Variants in ABCD2 observed in about 807,000 individuals in gnomAD.
ABCD2 encodes the protein ATP binding cassette subfamily D member 2.
In ABCD2, 36 loss-of-function variants were observed where a neutral mutation model predicts 70.9. That is an observed-to-expected ratio of 0.51 (90% confidence interval 0.39 to 0.67). ABCD2 has a LOEUF of 0.67. Among genes scored for constraint, ABCD2 ranks in the 30% least tolerant of loss-of-function variants. The pLI, the probability that ABCD2 is intolerant of heterozygous loss-of-function variation, is 0.00. For synonymous variants in ABCD2, 304 were observed against 306.9 expected (o/e 0.99, Z 0.10); for missense variants, 729 against 890.2 (o/e 0.82, Z 2.30).
chr12:39,555,322 T>C (rs926311850), intron 9 of ABCD2, among the ~76,000 whole-genome samples: 6 of 152,178 alleles, frequency 3.9e-5, no homozygotes, highest in Non-Finnish European at 8.8e-5. Flanking sequence ...TTCTTTTACT[T>C]ATACAAATGA....
chr12:39,611,814 T>A (rs181938396), intron 2 of ABCD2, among the ~76,000 whole-genome samples: 12 of 151,166 alleles, frequency 7.9e-5, no homozygotes, highest in African/African-American at 2.9e-4. Flanking sequence ...TGTATGTGTA[T>A]GTGTGTGTGT....
chr12:39,572,335 C>G (rs189415365), intron 9 of ABCD2, among the ~76,000 whole-genome samples: 85 of 152,232 alleles, frequency 5.6e-4, no homozygotes, highest in African/African-American at 2.0e-3. Context: ...GAGTACTGGC[C>G]TAGCTCTGTG....
chr12:39,557,806 G>C (rs1377562176), intron 9 of ABCD2, among the ~76,000 whole-genome samples: 2 of 152,204 alleles, frequency 1.3e-5, no homozygotes, highest in Non-Finnish European at 2.9e-5. Flanking sequence ...AAGAAATGAG[G>C]TTTGGAAAGC....
Position 39,618,738 on chromosome 12 carries a change from C to T in ABCD2, c.878G>A (p.Arg293Gln), listed in dbSNP as rs753975268. ...GGCTATAATTCTCGAGTGCACATAC[C>T]GCAAATAGCCTTTTCTATGTGCTTC... ...AEEAHRKGYL[R>Q]YVHSRIIANV... is the part of the protein sequence containing the mutation. The change falls in exon 1 of 10, where the codon CGG (arginine) becomes CAG (glutamine). Residue 293 changes from arginine (R) to glutamine (Q), a missense_variant. Arg to Gln is a conservative substitution (Grantham distance 43, BLOSUM62 1). Transcript: ENST00000308666. 13 of 1,614,054 alleles carry T rather than the reference C, an allele frequency of 8.1e-6. No individual in the cohort carries two copies. The highest frequency in any genetic ancestry group is 1.1e-5 in the South Asian group (1 of 91,084).
intron 6 of ABCD2, among the ~76,000 whole-genome samples, chr12:39,600,326 TC>T (rs1470423662): frequency 6.6e-5 from 10 of 152,184 alleles, no homozygotes; most frequent in African/African-American, 2.4e-4. Context: ...GAGACTAACA[TC>T]TGCAGTCTTT....
chr12:39,562,079 T>C (rs758893135), intron 9 of ABCD2, among the ~76,000 whole-genome samples: 1 of 150,766 alleles, frequency 6.6e-6, no homozygotes, highest in Non-Finnish European at 1.5e-5. Context: ...AACAACATGA[T>C]ATTGGTTAAC....
At chr12:39,608,162 C>T (rs1365153618) in intron 2 of ABCD2, among the ~76,000 whole-genome samples, 1 of 149,662 alleles carries the variant, frequency 6.7e-6, no homozygotes, top group Non-Finnish European at 1.5e-5. Flanking sequence ...AGTGAGACCT[C>T]TTCTCAAAAG....
chr12:39,586,340 G>A (rs1941666716), intron 6 of ABCD2, 43 bp from the exon 7 acceptor site: 3 of 1,583,830 alleles, frequency 1.9e-6, no homozygotes, highest in Middle Eastern at 1.7e-4. Context: ...GGAAAGTCAT[G>A]ATAACTTACT....
the ABCD2 span, among the ~76,000 whole-genome samples, chr12:39,534,729 AAAGAAG>A: frequency 8.2e-6 from 1 of 122,448 alleles, no homozygotes; most frequent in African/African-American, 3.4e-5. Flanking sequence ...GAAGGAAGGA[AAAGAAG>A]GAAGGAAGGA....
In ABCD2 at chr12:39,550,293, TTAATC is replaced by T. The variant is rs1284874345; in HGVS notation, c.*3614_*3618del. 1.3e-5 allele frequency: 2 copies of T among 151,744 alleles called. No individual in the cohort carries two copies. 9.4% of individuals were successfully genotyped at this position (151,744 alleles called of 1,614,324 possible). ...ATGGAATAATTTGTAATTCCTTTGA[TTAATC>T]TAGTCTTTTTCTTAATGGTTAAGGA... On this transcript the variant is annotated 3_prime_UTR_variant, in exon 10 of 10. Transcript: ENST00000308666.
chr12:39,583,197 A>G (rs905494571), intron 7 of ABCD2, among the ~76,000 whole-genome samples: 5 of 152,184 alleles, frequency 3.3e-5, no homozygotes, highest in African/African-American at 1.2e-4. Flanking sequence ...CCACTGTGCT[A>G]ATGTTTTACA....
chr12:39,570,368 G>A (rs1195130714), intron 9 of ABCD2, among the ~76,000 whole-genome samples: 1 of 152,164 alleles, frequency 6.6e-6, no homozygotes, highest in Non-Finnish European at 1.5e-5. Flanking sequence ...AAACAGCATT[G>A]TACTGACACA....
chr12:39,590,041 A>C (rs1941724463), intron 6 of ABCD2, among the ~76,000 whole-genome samples: 2 of 152,186 alleles, frequency 1.3e-5, no homozygotes, highest in Admixed American at 1.3e-4. Context: ...ACATTTACTC[A>C]ATTTGAAAGC....
At chr12:39,571,273 T>A (rs1187441104) in intron 9 of ABCD2, among the ~76,000 whole-genome samples, 1 of 152,182 alleles carries the variant, frequency 6.6e-6, no homozygotes, top group Non-Finnish European at 1.5e-5. Context: ...TGCACTCCCA[T>A]GTTTATTTCA....
At chr12:39,616,281 A>G (rs1244430149) in intron 2 of ABCD2, among the ~76,000 whole-genome samples, 1 of 152,160 alleles carries the variant, frequency 6.6e-6, no homozygotes, top group African/African-American at 2.4e-5. Context: ...GGATGATACA[A>G]CATTTTAACA....
chr12:39,548,588 C>T (rs933728266), downstream of ABCD2, among the ~76,000 whole-genome samples: 1 of 151,860 alleles, frequency 6.6e-6, no homozygotes, highest in Non-Finnish European at 1.5e-5. Flanking sequence ...GATTATAAGA[C>T]CTCTTTTGCA....
chr12:39,605,049 A>G (rs1941951555), intron 3 of ABCD2, 119 bp from the exon 4 acceptor site: 2 of 706,396 alleles, frequency 2.8e-6, no homozygotes, highest in Non-Finnish European at 2.1e-6. Context: ...ATTATACATG[A>G]GATATATATA....
rs1941073516 is a variant in ABCD2, at chr12:39,550,562, T to G, written c.*3350A>C. 6.6e-6 allele frequency: 1 copy of G among 151,700 alleles called. No individual in the cohort carries two copies. Among genetic ancestry groups the G allele is most frequent in the African/African-American group, 2.4e-5 (1 of 41,418 alleles). The allele number at this position is 151,700 out of a possible 1,614,324, so 9.4% of individuals were successfully genotyped here. ...TGGTAGTCAGGAAAAGCATCAACAA[T>G]GAAGAAGAAATTGGTTTTTAAAAAA... On this transcript the variant is annotated 3_prime_UTR_variant, in exon 10 of 10. Transcript: ENST00000308666.
downstream of ABCD2, among the ~76,000 whole-genome samples, chr12:39,548,037 C>G (rs935599909): frequency 6.6e-6 from 1 of 152,100 alleles, no homozygotes; most frequent in African/African-American, 2.4e-5. Context: ...CCAGTAGAAA[C>G]TGTACTTCCA....
Sources: allele counts gnomAD v4.1 joint callset (sites outside exome capture counted in the v4.1 genomes callset), GRCh38; gene constraint gnomAD v4.1.1; transcripts MANE v1.5; gene names NCBI Gene and HGNC (gene_info 2026-07-23, HGNC 2026-07-21).